CPSF6: variants seen among roughly 807,000 people sequenced by gnomAD.
The protein encoded by CPSF6 is cleavage and polyadenylation specific factor 6.
In CPSF6, 10 loss-of-function variants were observed where a neutral mutation model predicts 56.7. That is an observed-to-expected ratio of 0.18 (90% confidence interval 0.11 to 0.30). The LOEUF is 0.30. Ranked by LOEUF, CPSF6 falls within the 10% of genes least tolerant of loss-of-function variation. The pLI, the probability that CPSF6 is intolerant of heterozygous loss-of-function variation, is 1.00. For missense variants in CPSF6, 419 were observed against 722.9 expected (o/e 0.58, Z 4.82); for synonymous variants, 248 against 244.8 (o/e 1.01, Z -0.12).
intron 1 of CPSF6, among the ~76,000 whole-genome samples, 191 bp downstream of exon 1, chr12:69,239,897 GGGCGCGGCGAGTC>G (rs2120379821): frequency 6.7e-6 from 1 of 149,270 alleles, no homozygotes; most frequent in South Asian, 2.1e-4. Context: ...CACGGGCCGC[GGGCGCGGCGAGTC>G]GCCGCGGGGC....
At position 69,258,038 on chromosome 12, in the gene CPSF6, A is replaced by G; in HGVS notation, c.694+133A>G. 1 of 1,541,260 alleles carries G rather than the reference A, an allele frequency of 6.5e-7. No individual in the cohort carries two copies. The highest frequency in any genetic ancestry group is 8.7e-7 in the Non-Finnish European group (1 of 1,145,666). On this transcript the variant is annotated intron_variant, in intron 5 of 9. Transcript: ENST00000435070. The surrounding 1 kb of genome is among the most constrained non-coding windows in gnomAD (Gnocchi z 4.2). ...TTATGCTATTTTTGGAATCCAGGAA[A>G]TTTGATCAAGCATCTTGTTAAAGGA...
At chr12:69,250,982 T>TAGA in intron 1 of CPSF6, 147 bp from the exon 2 acceptor site, 1 of 766,080 alleles carries the variant, frequency 1.3e-6, no homozygotes, top group East Asian at 2.7e-5. Flanking sequence ...AGAATACATC[T>TAGA]ATTGCATAAA....
At chr12:69,250,515 A>T (rs1326642065) in intron 1 of CPSF6, among the ~76,000 whole-genome samples, 2 of 146,914 alleles carry the variant, frequency 1.4e-5, no homozygotes, top group African/African-American at 5.0e-5. Context: ...TATATTTGGG[A>T]GGCCGAGGCA....
At chr12:69,251,850 C>T (rs1362181441) in intron 2 of CPSF6, among the ~76,000 whole-genome samples, 1 of 152,064 alleles carries the variant, frequency 6.6e-6, no homozygotes, top group African/African-American at 2.4e-5. Flanking sequence ...TGTCATGAGA[C>T]TAAGATTATT....
intron 8 of CPSF6, 81 bp from the exon 9 acceptor site, chr12:69,262,292 G>C (rs1359431846): frequency 7.0e-7 from 1 of 1,427,786 alleles, no homozygotes; most frequent in Non-Finnish European, 9.2e-7. Context: ...TGCTGCCTAA[G>C]TTTTTTTAGA....
At chr12:69,268,588 C>T (rs926194407) in intron 9 of CPSF6, among the ~76,000 whole-genome samples, 1 of 151,622 alleles carries the variant, frequency 6.6e-6, no homozygotes, top group Non-Finnish European at 1.5e-5. Flanking sequence ...AAACCTTCTG[C>T]CCTCTTGACT....
At chr12:69,251,448 T>C in intron 2 of CPSF6, 110 bp downstream of exon 2, 1 of 721,116 alleles carries the variant, frequency 1.4e-6, no homozygotes, top group South Asian at 2.1e-5. Flanking sequence ...TGTGTTTTTC[T>C]ATATGTGTTT....
rs1249092208 is a variant in CPSF6, at chr12:69,272,539, T to G, written c.*3031T>G. The G allele has an allele frequency of 1.3e-5, 2 of 151,772 alleles. No individual in the cohort carries two copies. The highest frequency in any genetic ancestry group is 3.0e-5 in the Non-Finnish European group (2 of 67,692). The allele number at this position is 151,772 out of a possible 1,614,324, so 9.4% of individuals were successfully genotyped here. On this transcript the variant is annotated 3_prime_UTR_variant, in exon 10 of 10. Coordinates refer to ENST00000435070, the MANE Select transcript of CPSF6 (RefSeq NM_007007.3). Reference sequence around the variant, plus strand: ...TTACAAGACTTTTCTGTTGGAGTGCTCTCGACATTTTGGTTTTCATACCTG... The same window carrying G: ...TTACAAGACTTTTCTGTTGGAGTGCGCTCGACATTTTGGTTTTCATACCTG...
intron 4 of CPSF6, among the ~76,000 whole-genome samples, chr12:69,257,313 T>C (rs560190100): frequency 1.3e-5 from 2 of 152,344 alleles, no homozygotes; most frequent in African/African-American, 4.8e-5. Flanking sequence ...ACATTATCTT[T>C]AAAGAGATGA....
At chr12:69,240,118 C>G (rs558632232) in intron 1 of CPSF6, among the ~76,000 whole-genome samples, 3 of 151,246 alleles carry the variant, frequency 2.0e-5, no homozygotes, top group African/African-American at 7.3e-5. Flanking sequence ...GGAGGAAGCC[C>G]TGGCGGGGCG....
In CPSF6 at chr12:69,253,135, G is replaced by A. The variant is rs781692613; in HGVS notation, c.355G>A (p.Ala119Thr). ...GGAGATAAAATTTTTTGAAAATCGG[G>A]CAAATGGCCAGTCAAAGGGGTAAGT... ...ILEIKFFENR[A>T]NGQSKGFALV... Residue 119 changes from alanine (A) to threonine (T), a missense_variant, in exon 3 of 10, where the codon GCA becomes ACA. Coordinates refer to ENST00000435070, the MANE Select transcript of CPSF6 (RefSeq NM_007007.3). 1 of 1,578,980 alleles carries A rather than the reference G, an allele frequency of 6.3e-7. No individual in the cohort carries two copies. The highest frequency in any genetic ancestry group is 1.7e-4 in the Middle Eastern group (1 of 5,954).
At chr12:69,250,329 A>G (rs549862974) in intron 1 of CPSF6, among the ~76,000 whole-genome samples, 1 of 152,104 alleles carries the variant, frequency 6.6e-6, no homozygotes, top group East Asian at 1.9e-4. Context: ...GTCTATTTGC[A>G]TTTGTGTGTT....
intron 1 of CPSF6, among the ~76,000 whole-genome samples, chr12:69,250,612 A>AAAAAAAAAAAAAAAAG (rs1565644817): frequency 2.0e-5 from 1 of 50,304 alleles, no homozygotes; most frequent in Admixed American, 1.9e-4. Context: ...AAAAAAGAAA[A>AAAAAAAAAAAAAAAAG]AAAAGAAAAG....
chr12:69,242,682 G>A (rs2120410854), intron 1 of CPSF6, among the ~76,000 whole-genome samples: 1 of 152,320 alleles, frequency 6.6e-6, no homozygotes, highest in Admixed American at 6.5e-5. Context: ...AAGTTGAGAA[G>A]AAAGTGATTC....
chr12:69,258,616 T>G lies in CPSF6; in HGVS notation c.721T>G (p.Leu241Val), dbSNP rs1872610760. The G allele has an allele frequency of 6.2e-7, 1 of 1,613,196 alleles. No individual in the cohort carries two copies. Among genetic ancestry groups the G allele is most frequent in the Non-Finnish European group, 8.5e-7 (1 of 1,179,612 alleles). The change falls in exon 6 of 10, where the codon TTA (leucine) becomes GTA (valine). Residue 241 changes from leucine to valine, a missense_variant. Physicochemically the swap from Leu to Val is conservative, Grantham distance 32. Transcript: ENST00000435070. This position sits in a 1 kb window ranked among gnomAD's most constrained non-coding sequence, Gnocchi z 4.2. ...PAGQTPPRPP[L>V]GPPGPPGPPG... ...TGGACAGACTCCACCACGTCCACCC[T>G]TAGGTCCTCCAGGCCCACCTGGTCC...
At chr12:69,248,330 T>C (rs1254277673) in intron 1 of CPSF6, among the ~76,000 whole-genome samples, 1 of 152,206 alleles carries the variant, frequency 6.6e-6, no homozygotes, top group Non-Finnish European at 1.5e-5. Flanking sequence ...TCTTTTTTAC[T>C]TTCCCTCAGA....
At position 69,239,776 on chromosome 12, in the gene CPSF6, G is replaced by A. The variant is rs1341937145; in HGVS notation, c.60+70G>A. 18 of 1,421,470 alleles carry A rather than the reference G, an allele frequency of 1.3e-5. No individual in the cohort carries two copies. In the African/African-American group the frequency reaches 2.1e-4, roughly 17 times the overall value. 88.1% of individuals were successfully genotyped at this position (1,421,470 alleles called of 1,614,324 possible). ...CGGCCGGGAAGCTGACCCGGGGCCCGCTGCGGCCGCGAGCCGAAGCGACTG... is the reference window on the plus strand; with the variant it reads ...CGGCCGGGAAGCTGACCCGGGGCCCACTGCGGCCGCGAGCCGAAGCGACTG... On this transcript the variant is annotated intron_variant, in intron 1 of 9. Coordinates refer to ENST00000435070, the MANE Select transcript of CPSF6 (RefSeq NM_007007.3).
At position 69,258,104 on chromosome 12, in the gene CPSF6, T is replaced by TG; in HGVS notation, c.694+203dup. ...CTGGAAACTAGGATTCCATGGCATATGGGGCACAGCATAGAGGAAATACCC... is the reference window on the plus strand; with the variant it reads ...CTGGAAACTAGGATTCCATGGCATATGGGGGCACAGCATAGAGGAAATACCC... On this transcript the variant is annotated intron_variant, in intron 5 of 9. Transcript: ENST00000435070. This position sits in a 1 kb window ranked among gnomAD's most constrained non-coding sequence, Gnocchi z 4.2. 2 of 1,536,388 alleles carry TG rather than the reference T, an allele frequency of 1.3e-6. No individual in the cohort carries two copies. Among genetic ancestry groups the TG allele is most frequent in the Non-Finnish European group, 1.7e-6 (2 of 1,146,736 alleles).
chr12:69,268,452 A>G (rs544662933), intron 9 of CPSF6, among the ~76,000 whole-genome samples: 1 of 151,680 alleles, frequency 6.6e-6, no homozygotes, highest in East Asian at 1.9e-4. Context: ...CATAATAGAA[A>G]AATTTATAGC....
Sources: allele counts gnomAD v4.1 joint callset (sites outside exome capture counted in the v4.1 genomes callset), GRCh38; gene constraint gnomAD v4.1.1; non-coding constraint Gnocchi (gnomAD v3.1); transcripts MANE v1.5; gene names NCBI Gene and HGNC (gene_info 2026-07-23, HGNC 2026-07-21).